The following PDGFC variants were observed in gnomAD, a reference collection of about 807,000 sequenced individuals.
PDGFC encodes the protein platelet derived growth factor C.
PDGFC carries 12 observed loss-of-function variants against 35.5 expected under a neutral mutation model. The observed-to-expected ratio is 0.34, with a 90% CI of 0.22 to 0.55. PDGFC has a LOEUF of 0.55. Among genes scored for constraint, PDGFC ranks in the 20% least tolerant of loss-of-function variants. PDGFC has a pLI of 0.91. For missense variants in PDGFC, 322 were observed against 412.4 expected (o/e 0.78, Z 1.90); for synonymous variants, 159 against 148.8 (o/e 1.07, Z -0.50).
intron 2 of PDGFC, chr4:156,835,944 T>G (rs548717711): frequency 1.8e-4 from 28 of 152,350 alleles, no homozygotes; most frequent in Non-Finnish European, 3.8e-4. Context: ...TCTTCTCTCC[T>G]CAGAGTCTCC....
At chr4:156,943,785 C>T (rs965690713) in intron 1 of PDGFC, among the ~76,000 whole-genome samples, 2 of 152,066 alleles carry the variant, frequency 1.3e-5, no homozygotes, top group Non-Finnish European at 2.9e-5. Flanking sequence ...ATTAAGTGCT[C>T]AGAAGGGTTA....
chr4:156,964,483 G>A (rs1732418820), intron 1 of PDGFC, among the ~76,000 whole-genome samples: 1 of 148,550 alleles, frequency 6.7e-6, no homozygotes, highest in African/African-American at 2.5e-5. Context: ...TATATATATA[G>A]TGATATATAT....
intron 1 of PDGFC, among the ~76,000 whole-genome samples, chr4:156,858,766 G>T (rs1479366883): frequency 6.6e-6 from 1 of 152,038 alleles, no homozygotes; most frequent in African/African-American, 2.4e-5. Context: ...GGCTAACGTG[G>T]TTAACCACAA....
At chr4:156,842,951 CTTAT>C (rs1364125307) in intron 2 of PDGFC, among the ~76,000 whole-genome samples, 1 of 152,126 alleles carries the variant, frequency 6.6e-6, no homozygotes, top group Non-Finnish European at 1.5e-5. Context: ...TAGATTACTT[CTTAT>C]TTAAAGCCAC....
chr4:156,897,632 T>G (rs145073398), intron 1 of PDGFC, among the ~76,000 whole-genome samples: 1 of 152,172 alleles, frequency 6.6e-6, no homozygotes, highest in African/African-American at 2.4e-5. Context: ...TAAACCTACA[T>G]AGACTTTGAG....
chr4:156,885,156 T>TACACACACACACAC (rs36049782), intron 1 of PDGFC, among the ~76,000 whole-genome samples: 1 of 126,982 alleles, frequency 7.9e-6, no homozygotes, highest in African/African-American at 3.0e-5. Context: ...TGTGCATACA[T>TACACACACACACAC]ACACACACAC....
intron 1 of PDGFC, among the ~76,000 whole-genome samples, chr4:156,946,480 G>C (rs1381964224): frequency 2.0e-5 from 3 of 152,090 alleles, no homozygotes; most frequent in African/African-American, 7.2e-5. Flanking sequence ...AAATGGCCTT[G>C]GTATTATTTT....
chr4:156,944,747 C>A (rs545839091), intron 1 of PDGFC, among the ~76,000 whole-genome samples: 1 of 152,228 alleles, frequency 6.6e-6, no homozygotes, highest in South Asian at 2.1e-4. Context: ...TGACCACTTA[C>A]CTACTTTGCT....
chr4:156,767,825 T>C lies in PDGFC; in HGVS notation c.869A>G (p.Asn290Ser). The part of the protein sequence containing the change: ...CGGNCACCLH[N>S]CNECQCVPSK... ...TGGGACACATTGACATTCATTGCAA[T>C]TGTGGAGACAACAGGCACAGTTCCC... Residue 290 changes from asparagine (N) to serine (S), a missense_variant, in exon 5 of 6, where the codon AAT becomes AGT. By Grantham distance (46) the Asn-to-Ser change is conservative. This residue lies in a region of PDGFC where 202 missense variants were observed against 295.9 expected (regional missense o/e 0.68). Coordinates refer to ENST00000502773, the MANE Select transcript of PDGFC (RefSeq NM_016205.3). 1 of 1,613,354 alleles carries C rather than the reference T, an allele frequency of 6.2e-7. No individual in the cohort carries two copies. The highest frequency in any genetic ancestry group is 8.5e-7 in the Non-Finnish European group (1 of 1,179,434).
In PDGFC at chr4:156,763,217, A is replaced by G. The variant is rs753932831; in HGVS notation, c.922-11T>C. 8 of 1,379,746 alleles carry G rather than the reference A, an allele frequency of 5.8e-6. No homozygotes were observed. Among genetic ancestry groups the G allele is most frequent in the South Asian group, 4.6e-5 (4 of 86,514 alleles). 85.5% of individuals were successfully genotyped at this position (1,379,746 alleles called of 1,614,324 possible). On this transcript the variant is annotated splice_polypyrimidine_tract_variant and intron_variant, in intron 5 of 5. Coordinates refer to ENST00000502773, the MANE Select transcript of PDGFC (RefSeq NM_016205.3). ...TCTCAACTGAAGGACCTGAAAGGGA[A>G]TAAGAGTAAGCCACTTTTAAAAATC...
chr4:156,902,624 A>T (rs1730816700), intron 1 of PDGFC, among the ~76,000 whole-genome samples: 1 of 152,200 alleles, frequency 6.6e-6, no homozygotes, highest in African/African-American at 2.4e-5. Context: ...AAAAGTAATT[A>T]AAATATTTTT....
chr4:156,769,284 T>C (rs1479816051), intron 4 of PDGFC, among the ~76,000 whole-genome samples: 1 of 151,882 alleles, frequency 6.6e-6, no homozygotes, highest in East Asian at 1.9e-4. Context: ...AAAAGCTAAG[T>C]TTTATTAATT....
chr4:156,897,488 T>C (rs1221487703), intron 1 of PDGFC, among the ~76,000 whole-genome samples: 2 of 152,118 alleles, frequency 1.3e-5, no homozygotes, highest in Admixed American at 6.5e-5. Flanking sequence ...TGAAATCATG[T>C]GATTCTTTGC....
intron 1 of PDGFC, among the ~76,000 whole-genome samples, chr4:156,968,170 A>G (rs2110991775): frequency 6.6e-6 from 1 of 152,312 alleles, no homozygotes. Context: ...ATTAAAACTG[A>G]GCAGCCCGAG....
chr4:156,873,493 T>C (rs1730034616), intron 1 of PDGFC, among the ~76,000 whole-genome samples: 1 of 152,206 alleles, frequency 6.6e-6, no homozygotes, highest in Non-Finnish European at 1.5e-5. Flanking sequence ...TAATAGTTGA[T>C]AATTAATAAA....
At chr4:156,809,642 A>G (rs1731876756) in intron 3 of PDGFC, among the ~76,000 whole-genome samples, 1 of 151,976 alleles carries the variant, frequency 6.6e-6, no homozygotes, top group Non-Finnish European at 1.5e-5. Context: ...TTTTATCATT[A>G]CATATTTGAT....
intron 2 of PDGFC, among the ~76,000 whole-genome samples, chr4:156,816,405 T>C (rs1005780966): frequency 1.3e-5 from 2 of 152,200 alleles, no homozygotes; most frequent in East Asian, 1.9e-4. Context: ...TACACAAAAA[T>C]AGAAGTATTA....
At chr4:156,829,489 C>T (rs2111016158) in intron 2 of PDGFC, among the ~76,000 whole-genome samples, 1 of 152,124 alleles carries the variant, frequency 6.6e-6, no homozygotes, top group African/African-American at 2.4e-5. Flanking sequence ...ATTTTTTGGC[C>T]CTAGGTTTAT....
At chr4:156,847,992 CATACTATT>C (rs1397294536) in intron 2 of PDGFC, among the ~76,000 whole-genome samples, 4 of 151,682 alleles carry the variant, frequency 2.6e-5, no homozygotes, top group African/African-American at 9.7e-5. Context: ...ATGATGCTGG[CATACTATT>C]GGATACCCTC....
Sources: allele counts gnomAD v4.1 joint callset (sites outside exome capture counted in the v4.1 genomes callset), GRCh38; gene constraint gnomAD v4.1.1; regional missense constraint gnomAD v4.1.1; transcripts MANE v1.5; gene names NCBI Gene and HGNC (gene_info 2026-07-23, HGNC 2026-07-21).